Variants in ZDHHC16 observed in about 807,000 individuals in gnomAD.
ZDHHC16 encodes the protein zDHHC palmitoyltransferase 16.
In ZDHHC16, 33 loss-of-function variants were observed where a neutral mutation model predicts 54.4. The observed-to-expected ratio is 0.61, with a 90% CI of 0.46 to 0.81. ZDHHC16 has a LOEUF of 0.81. Ranked by LOEUF, ZDHHC16 falls within the 30% of genes least tolerant of loss-of-function variation. ZDHHC16 has a pLI of 0.00. For missense variants in ZDHHC16, 420 were observed against 485.9 expected (o/e 0.86, Z 1.28); for synonymous variants, 185 against 182.1 (o/e 1.02, Z -0.13).
intron 8 of ZDHHC16, 23 bp downstream of exon 8, chr10:97,453,869 C>A: frequency 6.2e-7 from 1 of 1,614,050 alleles, no homozygotes; most frequent in Non-Finnish European, 8.5e-7. Flanking sequence ...CACCCCACTG[C>A]CTCCTGCTGC....
rs1236056811 is a variant in ZDHHC16 at position 97,452,428 on chromosome 10, T to C, written c.452T>C (p.Ile151Thr). ...CCCTTCACACAGGGCAGGAATGATA[T>C]CGCCACCGTCTCCATCTGTAAGAAG... ...PGYPPQGRND[I>T]ATVSICKKCI... Residue 151 changes from isoleucine to threonine, a missense_variant, in exon 5 of 12, where the codon ATC (isoleucine) becomes ACC (threonine). Physicochemically the swap from Ile to Thr is moderately conservative, Grantham distance 89. Coordinates refer to ENST00000393760, the MANE Select transcript of ZDHHC16 (RefSeq NM_198046.3). 1 of 1,613,992 alleles carries C rather than the reference T, an allele frequency of 6.2e-7. No individual in the cohort carries two copies. Among genetic ancestry groups the C allele is most frequent in the Non-Finnish European group, 8.5e-7 (1 of 1,180,010 alleles).
chr10:97,453,068 G>A, intron 6 of ZDHHC16, 145 bp downstream of exon 6: 2 of 1,045,276 alleles, frequency 1.9e-6, no homozygotes, highest in Non-Finnish European at 2.9e-6. Flanking sequence ...GGGAGAGCAG[G>A]AAGCTCACAC....
chr10:97,449,861 C>CTTTTTTTTTTTTTTTTTTTTT (rs35173837), intron 1 of ZDHHC16, among the ~76,000 whole-genome samples: 6 of 81,532 alleles, frequency 7.4e-5, no homozygotes, highest in African/African-American at 3.5e-4. Context: ...CCCCTTAATT[C>CTTTTTTTTTTTTTTTTTTTTT]TTTTTTTTTT....
At position 97,452,504 on chromosome 10, in the gene ZDHHC16, G is replaced by A; in HGVS notation, c.527+1G>A. The A allele has an allele frequency of 6.2e-7, 1 of 1,613,782 alleles. No homozygotes were observed. The highest frequency in any genetic ancestry group is 1.3e-5 in the African/African-American group (1 of 75,052). Reference sequence around the variant, plus strand: ...CACACCACTGCAGCATCTGCAACAGGTGGGTCTTGGCTTTGCTCTCTGGGA... The same window carrying A: ...CACACCACTGCAGCATCTGCAACAGATGGGTCTTGGCTTTGCTCTCTGGGA... On this transcript the variant is annotated splice_donor_variant, in intron 5 of 11. Transcript: ENST00000393760. LOFTEE classifies it high-confidence loss of function.
At chr10:97,447,222 T>C (rs1846157601) in intron 1 of ZDHHC16, among the ~76,000 whole-genome samples, 1 of 152,226 alleles carries the variant, frequency 6.6e-6, no homozygotes, top group South Asian at 2.1e-4. Flanking sequence ...ATGAATAAAA[T>C]GCTACTCTTT....
chr10:97,446,572 T>G (rs1218366232), intron 1 of ZDHHC16, among the ~76,000 whole-genome samples: 1 of 152,222 alleles, frequency 6.6e-6, no homozygotes, highest in Non-Finnish European at 1.5e-5. Flanking sequence ...TTCACAGATA[T>G]GGAACCTCAG....
At chr10:97,453,380 T>C in intron 6 of ZDHHC16, 150 bp from the exon 7 acceptor site, 2 of 1,107,630 alleles carry the variant, frequency 1.8e-6, no homozygotes, top group East Asian at 2.4e-5. Flanking sequence ...GTGTGAACAG[T>C]CTTGTATTTT....
At position 97,450,539 on chromosome 10, in the gene ZDHHC16, A is replaced by C. The variant is rs1053722824; in HGVS notation, c.-6+3A>C. ...TGGCTGCCTCAGGGCAAAATCAGGT[A>C]ATTTTTTTTTCTGGTGAAAGTCTTT... On this transcript the variant is annotated splice_donor_region_variant and intron_variant, in intron 2 of 11. Coordinates refer to ENST00000393760, the MANE Select transcript of ZDHHC16 (RefSeq NM_198046.3). 1 of 152,210 alleles carries C rather than the reference A, an allele frequency of 6.6e-6. No individual in the cohort carries two copies. Among genetic ancestry groups the C allele is most frequent in the Non-Finnish European group, 1.5e-5 (1 of 68,048 alleles). 9.4% of individuals were successfully genotyped at this position (152,210 alleles called of 1,614,324 possible).
chr10:97,447,908 A>G lies in ZDHHC16; in HGVS notation c.-186+1555A>G, dbSNP rs868558864. Among the ~76,000 whole-genome samples the G allele has an allele frequency of 1.6e-3, 247 of 150,762 alleles. 1 individual carries two copies. Among genetic ancestry groups the G allele is most frequent in the African/African-American group, 6.0e-3 (245 of 40,958 alleles). On this transcript the variant is annotated intron_variant, in intron 1 of 11. Transcript: ENST00000393760. ...ATTGCACTCCAGCCTGGGCAACAAG[A>G]GTGAAACTCCATCTCAAAAAAAAAA...
At chr10:97,452,802 C>A in intron 5 of ZDHHC16, 93 bp from the exon 6 acceptor site, 1 of 1,564,310 alleles carries the variant, frequency 6.4e-7, no homozygotes, top group Non-Finnish European at 8.8e-7. Flanking sequence ...CCCTTTCCAC[C>A]TCAGCAGGAT....
Position 97,457,208 on chromosome 10 carries a change from C to T in ZDHHC16, c.*317C>T. Reference sequence around the variant, plus strand: ...CTCCAGGATACAGCACTGGAGTTGGCCACCACCTCTTCTACTTGCTGTCTG... The same window carrying T: ...CTCCAGGATACAGCACTGGAGTTGGTCACCACCTCTTCTACTTGCTGTCTG... On this transcript the variant is annotated 3_prime_UTR_variant, in exon 12 of 12. Coordinates refer to ENST00000393760, the MANE Select transcript of ZDHHC16 (RefSeq NM_198046.3). 5.5e-6 allele frequency: 1 copy of T among 180,614 alleles called. No homozygotes were observed. The allele number at this position is 180,614 out of a possible 1,614,324, so 11.2% of individuals were successfully genotyped here. A position where few individuals can be genotyped will look rare whatever the true frequency, so the allele number is the denominator to read the frequency against.
At chr10:97,456,752 G>C (rs755420570) in intron 11 of ZDHHC16, 25 bp from the exon 12 acceptor site, 11 of 1,554,212 alleles carry the variant, frequency 7.1e-6, no homozygotes, top group Non-Finnish European at 7.9e-6. Context: ...CTTGAACTCA[G>C]AGACATTTCT....
chr10:97,452,261 A>G lies in ZDHHC16; in HGVS notation c.415A>G (p.Thr139Ala), dbSNP rs767412982. ...CTTCCACTACTACCAGGCCATCACC[A>G]CTCCGCCTGGGTACCCACCCCAGGT... ...IVFHYYQAIT[T>A]PPGYPPQGRN... The change falls in exon 4 of 12, where the codon ACT becomes GCT. Residue 139 changes from threonine to alanine, a missense_variant. Coordinates refer to ENST00000393760, the MANE Select transcript of ZDHHC16 (RefSeq NM_198046.3). 6.2e-7 allele frequency: 1 copy of G among 1,613,732 alleles called. No homozygotes were observed. Among genetic ancestry groups the G allele is most frequent in the Non-Finnish European group, 8.5e-7 (1 of 1,179,970 alleles).
chr10:97,455,823 C>G, intron 10 of ZDHHC16, 40 bp downstream of exon 10: 1 of 1,607,718 alleles, frequency 6.2e-7, no homozygotes, highest in Non-Finnish European at 8.5e-7. Context: ...AGGTGGGTAA[C>G]TGAACTTGCT....
chr10:97,456,274 G>A, intron 11 of ZDHHC16: 1 of 513,734 alleles, frequency 1.9e-6, no homozygotes, highest in Admixed American at 3.6e-5. Context: ...TCCTAGGAAA[G>A]CTGTGCTCAG....
At chr10:97,447,342 C>G (rs910997259) in intron 1 of ZDHHC16, among the ~76,000 whole-genome samples, 1 of 152,186 alleles carries the variant, frequency 6.6e-6, no homozygotes, top group African/African-American at 2.4e-5. Context: ...CTTCTGATGG[C>G]TTTGCCGTCT....
chr10:97,452,605 ATCG>A, intron 5 of ZDHHC16, 102 bp downstream of exon 5: 5 of 1,284,458 alleles, frequency 3.9e-6, no homozygotes, highest in Non-Finnish European at 4.3e-6. Context: ...TGAATCACCC[ATCG>A]TGTCCCAGGT....
chr10:97,452,066 C>A (rs1479548154), intron 3 of ZDHHC16, 24 bp from the exon 4 acceptor site: 1 of 1,613,668 alleles, frequency 6.2e-7, no homozygotes, highest in Admixed American at 1.7e-5. Flanking sequence ...CGCCATGTCT[C>A]CCTGACCTTG....
At chr10:97,455,537 G>C in intron 9 of ZDHHC16, 123 bp from the exon 10 acceptor site, 1 of 1,488,598 alleles carries the variant, frequency 6.7e-7, no homozygotes, top group African/African-American at 1.4e-5. Flanking sequence ...GATATATGGT[G>C]GGAGGTGAGG....
Sources: gnomAD v4.1 joint callset for allele counts (sites outside exome capture counted in the v4.1 genomes callset) on GRCh38, gnomAD v4.1.1 for gene constraint, MANE v1.5 for transcripts, NCBI Gene and HGNC (gene_info 2026-07-23, HGNC 2026-07-21) for gene names.